Variants in EPB41L4B observed in about 807,000 individuals in gnomAD.
EPB41L4B encodes band 4.1-like protein 4B.
In EPB41L4B, 30 loss-of-function variants were observed where a neutral mutation model predicts 112.5. The observed-to-expected ratio is 0.27, with a 90% confidence interval of 0.20 to 0.36. EPB41L4B has a LOEUF of 0.36. EPB41L4B is among the 10% of genes least tolerant of loss of function. The pLI is 1.00. For synonymous variants in EPB41L4B, 408 were observed against 439.7 expected (o/e 0.93, Z 0.90); for missense variants, 1,024 against 1,133.3 (o/e 0.90, Z 1.38).
Position 109,250,492 on chromosome 9 carries a change from C to T in EPB41L4B, c.1310+989G>A, listed in dbSNP as rs1025287522. Among the ~76,000 whole-genome samples, 13 of 152,336 alleles carry T rather than the reference C, an allele frequency of 8.5e-5. No homozygotes were observed. The East Asian group carries it at 2.5e-3, about 29-fold the overall frequency. On this transcript the variant is annotated intron_variant, in intron 13 of 25. Transcript: ENST00000374566. ...ATGAACCTGGCCTACCTACCAGCGG[C>T]TGCAGTTCAGACCAAAGGTCCAAAC...
rs1588169008 is a variant in EPB41L4B, at chr9:109,247,789, G to A, written c.1311C>T (p.Cys437=). 6.7e-7 allele frequency: 1 copy of A among 1,494,986 alleles called. No individual in the cohort carries two copies. Among genetic ancestry groups the A allele is most frequent in the East Asian group, 2.5e-5 (1 of 40,104 alleles). 92.6% of individuals were successfully genotyped at this position (1,494,986 alleles called of 1,614,324 possible). ...ASNPVIAAQL[C]SKTNPEVHNY... is the part of the protein sequence containing the mutation. Reference sequence around the variant, plus strand: ...TATGGACTTCTGGATTTGTTTTAGAGCTAAACAAACAAACAAACAAAAAAC... The same window carrying A: ...TATGGACTTCTGGATTTGTTTTAGAACTAAACAAACAAACAAACAAAAAAC... The change falls in exon 14 of 26, where the codon TGC becomes TGT. Residue 437 remains cysteine, a splice_region_variant and synonymous_variant. Coordinates refer to ENST00000374566, the MANE Select transcript of EPB41L4B (RefSeq NM_019114.5).
At position 109,266,345 on chromosome 9, in the gene EPB41L4B, C is replaced by T. The variant is rs1393340961; in HGVS notation, c.533+1128G>A. ...AAGCTGTGATCACGCCACTGCACTC[C>T]AGCCTGGTTGACAGAGCCAGACCTT... On this transcript the variant is annotated intron_variant, in intron 4 of 25. Transcript: ENST00000374566. Among the ~76,000 whole-genome samples, 3 of 152,030 alleles carry T rather than the reference C, an allele frequency of 2.0e-5. No individual in the cohort carries two copies. In the East Asian group the frequency reaches 5.8e-4, roughly 29 times the overall value.
At chr9:109,201,455 A>AAAAAAAAAAAAAAG (rs746768403) in intron 19 of EPB41L4B, among the ~76,000 whole-genome samples, 3 of 137,994 alleles carry the variant, frequency 2.2e-5, no homozygotes, top group African/African-American at 2.7e-5. Flanking sequence ...GTCTCAAAAA[A>AAAAAAAAAAAAAAG]AAAAAAAAAA....
chr9:109,292,655 G>C (rs1301340339), intron 1 of EPB41L4B, among the ~76,000 whole-genome samples: 1 of 152,128 alleles, frequency 6.6e-6, no homozygotes, highest in Non-Finnish European at 1.5e-5. Flanking sequence ...AATACCTAAG[G>C]TGTCAGTTTC....
chr9:109,300,528 G>C (rs182188851), intron 1 of EPB41L4B: 1 of 152,276 alleles, frequency 6.6e-6, no homozygotes, highest in Non-Finnish European at 1.5e-5. Context: ...GCTCATGCCT[G>C]TAATCCCAAC....
intron 15 of EPB41L4B, among the ~76,000 whole-genome samples, chr9:109,242,746 T>C (rs1005279986): frequency 3.9e-5 from 6 of 152,018 alleles, no homozygotes; most frequent in Admixed American, 3.3e-4. Flanking sequence ...AAACTGAACT[T>C]GCCAACTATG....
chr9:109,226,602 T>C (rs1833764678), intron 15 of EPB41L4B, among the ~76,000 whole-genome samples: 1 of 93,748 alleles, frequency 1.1e-5, no homozygotes, highest in Non-Finnish European at 1.9e-5. Flanking sequence ...TCTCTTTGGA[T>C]TTTTCATATA....
intron 15 of EPB41L4B, among the ~76,000 whole-genome samples, chr9:109,238,299 G>C (rs1253267534): frequency 6.6e-6 from 1 of 152,112 alleles, no homozygotes; most frequent in African/African-American, 2.4e-5. Context: ...CCTCAAACGA[G>C]AACACAGCTG....
intron 1 of EPB41L4B, among the ~76,000 whole-genome samples, chr9:109,303,130 G>A (rs897753757): frequency 6.6e-6 from 1 of 150,632 alleles, no homozygotes; most frequent in Non-Finnish European, 1.5e-5. Flanking sequence ...TAAAAAAAGG[G>A]TATACATAGT....
At chr9:109,265,788 C>T (rs1031902846) in intron 4 of EPB41L4B, among the ~76,000 whole-genome samples, 9 of 152,220 alleles carry the variant, frequency 5.9e-5, no homozygotes, top group Non-Finnish European at 4.4e-5. Flanking sequence ...TGCCTGTGCT[C>T]TGCTCCCTAC....
rs140598405 is a variant in EPB41L4B at position 109,246,974 on chromosome 9, A to C, written c.1344+782T>G. On this transcript the variant is annotated intron_variant, in intron 14 of 25. Coordinates refer to ENST00000374566, the MANE Select transcript of EPB41L4B (RefSeq NM_019114.5). ...GGTTGAGGCTAGCGTTTTTTTAAAA[A>C]AGATATGAAGGGGCTGAGGCTAGTG... 5.7e-3 allele frequency among the ~76,000 whole-genome samples: 871 copies of C among 152,272 alleles called. 6 individuals are homozygous for C. Among genetic ancestry groups the C allele is most frequent in the African/African-American group, 0.02 (830 of 41,544 alleles).
chr9:109,184,901 T>C (rs922504424), intron 23 of EPB41L4B, among the ~76,000 whole-genome samples: 5 of 152,150 alleles, frequency 3.3e-5, no homozygotes, highest in African/African-American at 1.2e-4. Flanking sequence ...TATAATGTGG[T>C]AACAAGAACA....
chr9:109,225,067 C>A (rs534273410), intron 15 of EPB41L4B, among the ~76,000 whole-genome samples: 1 of 152,358 alleles, frequency 6.6e-6, no homozygotes, highest in South Asian at 2.1e-4. Flanking sequence ...GCTAAGACAT[C>A]CTTGTGTATG....
At chr9:109,187,874 T>G (rs1347017635) in intron 22 of EPB41L4B, among the ~76,000 whole-genome samples, 2 of 152,216 alleles carry the variant, frequency 1.3e-5, no homozygotes, top group Non-Finnish European at 2.9e-5. Flanking sequence ...CACAAGCCTT[T>G]CTGACCTTTC....
chr9:109,244,275 G>A (rs1025431433), intron 14 of EPB41L4B, among the ~76,000 whole-genome samples: 17 of 151,540 alleles, frequency 1.1e-4, no homozygotes, highest in African/African-American at 3.9e-4. Flanking sequence ...CATCCAGAGC[G>A]CTTATCATCC....
In EPB41L4B at chr9:109,268,444, GA is replaced by G; in HGVS notation, c.412-12del. The G allele has an allele frequency of 1.9e-6, 3 of 1,603,220 alleles. No individual in the cohort carries two copies. The highest frequency in any genetic ancestry group is 1.1e-5 in the South Asian group (1 of 88,164). Reference sequence around the variant, plus strand: ...ATGATCCAGCCAGTGCTGAAAGAAAGAAAAAAAGTTTCTTTAGGAATAGTTC... The same window carrying G: ...ATGATCCAGCCAGTGCTGAAAGAAAGAAAAAAGTTTCTTTAGGAATAGTTC... On this transcript the variant is annotated splice_polypyrimidine_tract_variant and intron_variant, in intron 2 of 25. Coordinates refer to ENST00000374566, the MANE Select transcript of EPB41L4B (RefSeq NM_019114.5).
chr9:109,295,427 A>G (rs1205739178), intron 1 of EPB41L4B, among the ~76,000 whole-genome samples: 1 of 152,196 alleles, frequency 6.6e-6, no homozygotes, highest in Non-Finnish European at 1.5e-5. Context: ...CACGATATGG[A>G]ACAAGACAAG....
Position 109,176,605 on chromosome 9 carries a change from A to T in EPB41L4B, c.2579T>A (p.Val860Asp), listed in dbSNP as rs375019588. The T allele has an allele frequency of 6.8e-5, 110 of 1,613,804 alleles. No individual in the cohort carries two copies. Among genetic ancestry groups the T allele is most frequent in the Non-Finnish European group, 9.2e-5 (108 of 1,179,970 alleles). Residue 860 changes from valine to aspartate, a missense_variant, in exon 25 of 26, where the codon GTC becomes GAC. Coordinates refer to ENST00000374566, the MANE Select transcript of EPB41L4B (RefSeq NM_019114.5). ...AATLRPLTETVSTVQTIYTTR... is the reference protein window; with the variant it reads ...AATLRPLTETDSTVQTIYTTR... ...GGTGTAAATGGTCTGCACTGTGGAG[A>T]CGGTCTCTGTCAAAGGCCTCAGGGT...
chr9:109,180,788 G>A (rs991011757), intron 24 of EPB41L4B, among the ~76,000 whole-genome samples: 4 of 152,098 alleles, frequency 2.6e-5, no homozygotes, highest in Admixed American at 6.5e-5. Flanking sequence ...GGAGCTTCAG[G>A]GATCATAGAA....
Sources: gnomAD v4.1 joint callset for allele counts (sites outside exome capture counted in the v4.1 genomes callset) on GRCh38, gnomAD v4.1.1 for gene constraint, MANE v1.5 for transcripts, NCBI Gene and HGNC (gene_info 2026-07-23, HGNC 2026-07-21) for gene names.